The following ASAP2 variants were observed in gnomAD, a reference collection of about 807,000 sequenced individuals.
The protein encoded by ASAP2 is ArfGAP with SH3 domain, ankyrin repeat and PH domain 2.
In ASAP2, 45 loss-of-function variants were observed where a neutral mutation model predicts 131.4. That is an observed-to-expected ratio of 0.34 (90% CI 0.27 to 0.44). The LOEUF (loss-of-function observed/expected upper bound fraction) is 0.44, where lower values mean the gene tolerates loss of function less well. Among genes scored for constraint, ASAP2 ranks in the 20% least tolerant of loss-of-function variants. The probability of loss-of-function intolerance (pLI) is 1.00; values close to 1 mark genes in which losing one functional copy is unlikely to be tolerated. For missense variants in ASAP2, 1,011 were observed against 1,297.0 expected (o/e 0.78, Z 3.39); for synonymous variants, 510 against 503.0 (o/e 1.01, Z -0.19).
At chr2:9,377,967 G>A (rs1018488795) in intron 18 of ASAP2, among the ~76,000 whole-genome samples, 2 of 152,124 alleles carry the variant, frequency 1.3e-5, no homozygotes, top group Non-Finnish European at 2.9e-5. Context: ...GTTGATAGCT[G>A]CGTGATGCCT....
At chr2:9,322,912 A>G (rs1429085932) in intron 5 of ASAP2, among the ~76,000 whole-genome samples, 1 of 152,190 alleles carries the variant, frequency 6.6e-6, no homozygotes, top group Non-Finnish European at 1.5e-5. Flanking sequence ...GCAGGTGCCT[A>G]GGAAATACTT....
At chr2:9,361,606 G>A (rs2709574) in intron 15 of ASAP2, among the ~76,000 whole-genome samples, 11,287 of 150,112 alleles carry the variant, frequency 0.075, 1,132 homozygotes, top group African/African-American at 0.23. Flanking sequence ...CTCACTCCAT[G>A]ACCCAGGCTG....
At chr2:9,320,185 C>A (rs1670064719) in intron 4 of ASAP2, 103 bp from the exon 5 acceptor site, 2 of 951,312 alleles carry the variant, frequency 2.1e-6, no homozygotes, top group Admixed American at 4.6e-5. Flanking sequence ...TCATTTATTG[C>A]AGAAATTAAT....
At chr2:9,388,175 A>T (rs1448461284) in intron 21 of ASAP2, 119 bp from the exon 22 acceptor site, 1 of 1,334,114 alleles carries the variant, frequency 7.5e-7, no homozygotes, top group Non-Finnish European at 1.0e-6. Context: ...TTGAGAGCTC[A>T]AATGGTACCA....
At chr2:9,225,211 C>T (rs1246357445) in intron 1 of ASAP2, among the ~76,000 whole-genome samples, 1 of 152,182 alleles carries the variant, frequency 6.6e-6, no homozygotes, top group Non-Finnish European at 1.5e-5. Context: ...ATCATCTGCT[C>T]CTTTATAGAA....
chr2:9,383,927 A>G (rs1262113597), intron 20 of ASAP2, among the ~76,000 whole-genome samples: 1 of 151,060 alleles, frequency 6.6e-6, no homozygotes, highest in Non-Finnish European at 1.5e-5. Context: ...AAAACCAAAC[A>G]CCGCACGTTC....
chr2:9,335,056 T>A, intron 8 of ASAP2, 37 bp from the exon 9 acceptor site: 1 of 1,597,248 alleles, frequency 6.3e-7, no homozygotes. Context: ...AGTCTTAATT[T>A]TCTGATTGGT....
At chr2:9,266,069 G>A (rs1024464553) in intron 1 of ASAP2, among the ~76,000 whole-genome samples, 1 of 151,856 alleles carries the variant, frequency 6.6e-6, no homozygotes, top group African/African-American at 2.4e-5. Context: ...ACAGGTGTGA[G>A]CCACCACACC....
intron 4 of ASAP2, among the ~76,000 whole-genome samples, chr2:9,319,146 G>A (rs1191359747): frequency 1.3e-5 from 2 of 152,236 alleles, no homozygotes; most frequent in South Asian, 2.1e-4. Context: ...TCATGAGCAC[G>A]CAGGCCAGGA....
rs566910812 is a variant in ASAP2 at position 9,394,919 on chromosome 2, C to T, written c.2684+1272C>T. Reference sequence around the variant, plus strand: ...GGGGGTTACGGTCAGAGTCTCTTCACGCCCCCCGTGGTAGCTGACGCTGCC... The same window carrying T: ...GGGGGTTACGGTCAGAGTCTCTTCATGCCCCCCGTGGTAGCTGACGCTGCC... On this transcript the variant is annotated intron_variant, in intron 24 of 27. Transcript: ENST00000281419. 9.2e-5 allele frequency among the ~76,000 whole-genome samples: 14 copies of T among 152,310 alleles called. No individual in the cohort carries two copies. In the South Asian group the frequency reaches 2.9e-3, roughly 32 times the overall value.
At chr2:9,274,612 C>T (rs1358024801) in intron 1 of ASAP2, among the ~76,000 whole-genome samples, 2 of 151,926 alleles carry the variant, frequency 1.3e-5, no homozygotes, top group East Asian at 1.9e-4. Context: ...CATGAGCCAC[C>T]GCGTCCAGCC....
intron 3 of ASAP2, among the ~76,000 whole-genome samples, chr2:9,307,167 G>A (rs1406032417): frequency 6.6e-6 from 1 of 152,202 alleles, no homozygotes; most frequent in Non-Finnish European, 1.5e-5. Flanking sequence ...TCGCCTGCGT[G>A]GCTTGTTAGA....
intron 24 of ASAP2, among the ~76,000 whole-genome samples, chr2:9,395,620 T>A (rs1676081632): frequency 8.4e-6 from 1 of 118,716 alleles, no homozygotes; most frequent in Non-Finnish European, 1.7e-5. Context: ...TTTTTTTTTT[T>A]TTTTTGAGAT....
chr2:9,264,687 A>G (rs995813376), intron 1 of ASAP2, among the ~76,000 whole-genome samples: 4 of 152,214 alleles, frequency 2.6e-5, no homozygotes, highest in Middle Eastern at 3.4e-3. Flanking sequence ...TGCGCGCTAT[A>G]ACTAAGTCCT....
chr2:9,400,632 G>C (rs1676581738), intron 25 of ASAP2, 110 bp from the exon 26 acceptor site: 1 of 986,126 alleles, frequency 1.0e-6, no homozygotes, highest in Non-Finnish European at 1.6e-6. Flanking sequence ...CAACAGATCG[G>C]AACACCTGGG....
At position 9,286,447 on chromosome 2, in the gene ASAP2, A is replaced by AATATATATATAT. The variant is rs1553304561; in HGVS notation, c.199+7062_199+7073dup. ...TTTTTTTTAAAAAAGGAAAAAAAAAAATATATATATATATACTGTATCTGA... is the reference window on the plus strand; with the variant it reads ...TTTTTTTTAAAAAAGGAAAAAAAAAAATATATATATATATATATATATATATACTGTATCTGA... On this transcript the variant is annotated intron_variant, in intron 2 of 27. Coordinates refer to ENST00000281419, the MANE Select transcript of ASAP2 (RefSeq NM_003887.3). Among the ~76,000 whole-genome samples, 14 of 148,488 alleles carry AATATATATATAT rather than the reference A, an allele frequency of 9.4e-5. 1 individual carries two copies. The highest frequency in any genetic ancestry group is 6.4e-4 in the South Asian group (3 of 4,700).
chr2:9,357,370 A>G (rs79194352), intron 14 of ASAP2, among the ~76,000 whole-genome samples: 4,039 of 152,174 alleles, frequency 0.027, 86 homozygotes, highest in Middle Eastern at 0.078. Context: ...TCCCAGCTAC[A>G]TAGGAGGCTG....
chr2:9,264,712 G>T (rs903631849), intron 1 of ASAP2, among the ~76,000 whole-genome samples: 2 of 152,048 alleles, frequency 1.3e-5, no homozygotes, highest in Non-Finnish European at 2.9e-5. Flanking sequence ...CTCTTCCAGA[G>T]TTTTTTTCTC....
intron 1 of ASAP2, among the ~76,000 whole-genome samples, chr2:9,269,078 G>C (rs1666155571): frequency 6.6e-6 from 1 of 152,136 alleles, no homozygotes; most frequent in South Asian, 2.1e-4. Context: ...AGGGGCCAGA[G>C]ATAGTAAATA....
Sources: gnomAD v4.1 joint callset for allele counts (sites outside exome capture counted in the v4.1 genomes callset) on GRCh38, gnomAD v4.1.1 for gene constraint, MANE v1.5 for transcripts, NCBI Gene and HGNC (gene_info 2026-07-23, HGNC 2026-07-21) for gene names.